The following CCSER1 variants were observed in gnomAD, a reference collection of about 807,000 sequenced individuals.
CCSER1 encodes serine-rich coiled-coil domain-containing protein 1.
CCSER1 carries 41 observed loss-of-function variants against 82.0 expected under a neutral mutation model. That is an observed-to-expected ratio of 0.50 (90% CI 0.39 to 0.65). The LOEUF is 0.65. Among genes scored for constraint, CCSER1 ranks in the 30% least tolerant of loss-of-function variants. The pLI is 0.00. For synonymous variants in CCSER1, 414 were observed against 383.9 expected (o/e 1.08, Z -0.92); for missense variants, 1,119 against 1,064.2 (o/e 1.05, Z -0.72).
At chr4:90,563,401 C>T (rs1398443115) in intron 5 of CCSER1, among the ~76,000 whole-genome samples, 2 of 152,296 alleles carry the variant, frequency 1.3e-5, no homozygotes, top group South Asian at 2.1e-4. Context: ...TGCACCATTG[C>T]GCCCTGCCCC....
chr4:90,414,661 G>T (rs963061181), intron 4 of CCSER1, among the ~76,000 whole-genome samples: 2 of 152,008 alleles, frequency 1.3e-5, no homozygotes, highest in African/African-American at 4.8e-5. Flanking sequence ...CAATATGTTA[G>T]CAGCGAGGTT....
intron 9 of CCSER1, among the ~76,000 whole-genome samples, chr4:90,993,901 T>C (rs1463633687): frequency 6.6e-6 from 1 of 152,102 alleles, no homozygotes; most frequent in Non-Finnish European, 1.5e-5. Flanking sequence ...ATTTAATAAT[T>C]TGAGTAATTG....
chr4:91,000,121 A>G (rs1187741757), intron 9 of CCSER1, among the ~76,000 whole-genome samples: 5 of 151,768 alleles, frequency 3.3e-5, no homozygotes, highest in Admixed American at 3.3e-4. Context: ...TTTCTGAGTT[A>G]TCTATTCTGT....
At chr4:91,543,807 T>C (rs1761735888) in intron 10 of CCSER1, among the ~76,000 whole-genome samples, 1 of 152,280 alleles carries the variant, frequency 6.6e-6, no homozygotes, top group African/African-American at 2.4e-5. Flanking sequence ...AGGAGTATCT[T>C]TGTGGCGTTC....
intron 10 of CCSER1, among the ~76,000 whole-genome samples, chr4:91,116,777 AT>A (rs575577270): frequency 6.6e-6 from 1 of 151,922 alleles, no homozygotes; most frequent in Non-Finnish European, 1.5e-5. Flanking sequence ...AACAGGGATC[AT>A]TTTTTTTACT....
At chr4:90,621,490 G>C (rs1722317782) in intron 5 of CCSER1, among the ~76,000 whole-genome samples, 1 of 145,518 alleles carries the variant, frequency 6.9e-6, no homozygotes, top group Non-Finnish European at 1.5e-5. Context: ...TCTTTATAAT[G>C]TCCTTTTCTC....
intron 1 of CCSER1, among the ~76,000 whole-genome samples, chr4:90,246,156 A>G (rs916522199): frequency 2.0e-5 from 3 of 152,136 alleles, no homozygotes; most frequent in African/African-American, 7.2e-5. Flanking sequence ...GTTACATTTC[A>G]CACATTACCA....
At chr4:90,921,195 C>A (rs1189436798) in intron 8 of CCSER1, among the ~76,000 whole-genome samples, 1 of 151,912 alleles carries the variant, frequency 6.6e-6, no homozygotes, top group Non-Finnish European at 1.5e-5. Context: ...CAAGAATCAT[C>A]TCCTGAAAGC....
chr4:90,212,675 A>G (rs1021221545), intron 1 of CCSER1, among the ~76,000 whole-genome samples: 1 of 152,234 alleles, frequency 6.6e-6, no homozygotes, highest in Non-Finnish European at 1.5e-5. Flanking sequence ...TGAAACTCCA[A>G]AAGAGTATAG....
intron 1 of CCSER1, among the ~76,000 whole-genome samples, chr4:90,156,691 G>T (rs1315821485): frequency 6.6e-6 from 1 of 152,032 alleles, no homozygotes; most frequent in East Asian, 1.9e-4. Context: ...GACTGGGATT[G>T]CAACCCCTGC....
At position 91,464,072 on chromosome 4, in the gene CCSER1, A is replaced by G. The variant is rs147504357; in HGVS notation, c.2218-134500A>G. Among the ~76,000 whole-genome samples, 42 of 152,330 alleles carry G rather than the reference A, an allele frequency of 2.8e-4. 1 individual carries two copies. In the East Asian group the frequency reaches 7.9e-3, roughly 29 times the overall value. On this transcript the variant is annotated intron_variant, in intron 10 of 10. Coordinates refer to ENST00000509176, the MANE Select transcript of CCSER1 (RefSeq NM_001145065.2). ...AATTGTCAGATTTACTGAAGTTGAA[A>G]TAAAGGAAAAAATGTTAAGGGCAGC...
At chr4:91,033,421 A>C (rs576654064) in intron 9 of CCSER1, among the ~76,000 whole-genome samples, 3 of 152,036 alleles carry the variant, frequency 2.0e-5, no homozygotes, top group Non-Finnish European at 4.4e-5. Flanking sequence ...CTTCCTTTGC[A>C]CTCCAGTCTC....
chr4:90,827,913 T>C (rs1760668703), intron 8 of CCSER1, among the ~76,000 whole-genome samples: 1 of 152,132 alleles, frequency 6.6e-6, no homozygotes, highest in South Asian at 2.1e-4. Context: ...ACCCTGGTTA[T>C]AGAGCCGAGG....
At chr4:90,711,854 G>A (rs1740670568) in intron 6 of CCSER1, among the ~76,000 whole-genome samples, 1 of 151,792 alleles carries the variant, frequency 6.6e-6, no homozygotes, top group South Asian at 2.1e-4. Context: ...AATGAACTAG[G>A]GAGAAGTAGT....
chr4:91,394,149 C>T (rs1053819081), intron 10 of CCSER1, among the ~76,000 whole-genome samples: 5 of 151,916 alleles, frequency 3.3e-5, no homozygotes, highest in Admixed American at 2.0e-4. Flanking sequence ...TTCAGGAACA[C>T]AATGTAATAC....
chr4:90,896,165 G>A (rs116458753), intron 8 of CCSER1, among the ~76,000 whole-genome samples: 2,593 of 151,974 alleles, frequency 0.017, 51 homozygotes, highest in African/African-American at 0.044. Context: ...GGTCTATAAC[G>A]GGAGATTCTT....
chr4:90,725,961 A>G (rs1743564707), intron 7 of CCSER1, among the ~76,000 whole-genome samples: 1 of 151,984 alleles, frequency 6.6e-6, no homozygotes, highest in African/African-American at 2.4e-5. Context: ...TCATGTTAGT[A>G]TTAGATTAAT....
At chr4:91,207,332 C>T (rs1456043982) in intron 10 of CCSER1, among the ~76,000 whole-genome samples, 1 of 145,976 alleles carries the variant, frequency 6.9e-6, no homozygotes, top group East Asian at 2.3e-4. Flanking sequence ...AGCATAGTAC[C>T]CAACAGTTGC....
chr4:90,955,186 C>T (rs561446775), intron 9 of CCSER1, among the ~76,000 whole-genome samples: 2 of 152,064 alleles, frequency 1.3e-5, no homozygotes, highest in African/African-American at 4.8e-5. Context: ...TTGCTATACC[C>T]CTGCACTTGG....
Sources: allele counts gnomAD v4.1 joint callset (sites outside exome capture counted in the v4.1 genomes callset), GRCh38; gene constraint gnomAD v4.1.1; transcripts MANE v1.5; gene names NCBI Gene and HGNC (gene_info 2026-07-23, HGNC 2026-07-21).